Variants in AMBRA1 observed in about 807,000 individuals in gnomAD.
AMBRA1 encodes the protein activating molecule in BECN1-regulated autophagy protein 1.
A neutral mutation model predicts 125.4 loss-of-function variants in AMBRA1; 47 were observed. The ratio of observed to expected loss-of-function variants is 0.37; its 90% CI spans 0.30 to 0.48. The LOEUF is 0.48. Ranked by LOEUF, AMBRA1 falls within the 20% of genes least tolerant of loss-of-function variation. The pLI, the probability that AMBRA1 is intolerant of heterozygous loss-of-function variation, is 0.99. For missense variants in AMBRA1, 1,331 were observed against 1,693.4 expected, an observed-to-expected ratio of 0.79 and a Z score of 3.76; for synonymous variants, 626 against 655.5, an observed-to-expected ratio of 0.95 and a Z score of 0.69.
At chr11:46,524,257 C>G (rs902152749) in intron 7 of AMBRA1, among the ~76,000 whole-genome samples, 2 of 152,128 alleles carry the variant, frequency 1.3e-5, no homozygotes, top group Non-Finnish European at 2.9e-5. Context: ...TGGAATGCCC[C>G]CCAGAAATGT....
chr11:46,540,330 T>C (rs191848472), intron 7 of AMBRA1, among the ~76,000 whole-genome samples: 65 of 152,318 alleles, frequency 4.3e-4, no homozygotes, highest in African/African-American at 1.5e-3. Context: ...AGATCTTTAA[T>C]AAACTTTTAA....
At chr11:46,554,818 G>A (rs1476523929) in intron 1 of AMBRA1, among the ~76,000 whole-genome samples, 2 of 152,136 alleles carry the variant, frequency 1.3e-5, no homozygotes, top group African/African-American at 4.8e-5. Flanking sequence ...AAGTAAAGCA[G>A]ACTGAGACAA....
At chr11:46,399,353 C>T (rs1945608442) in intron 17 of AMBRA1, among the ~76,000 whole-genome samples, 1 of 152,200 alleles carries the variant, frequency 6.6e-6, no homozygotes, top group Non-Finnish European at 1.5e-5. Context: ...GGATTATAGG[C>T]ATGAGCCACC....
At chr11:46,398,183 G>C (rs1464989585) in intron 17 of AMBRA1, among the ~76,000 whole-genome samples, 1 of 152,258 alleles carries the variant, frequency 6.6e-6, no homozygotes, top group African/African-American at 2.4e-5. Context: ...GGCCAGTTAA[G>C]AGGCAGCACT....
At chr11:46,592,689 C>G (rs918438149) in intron 1 of AMBRA1, among the ~76,000 whole-genome samples, 1 of 151,534 alleles carries the variant, frequency 6.6e-6, no homozygotes, top group Non-Finnish European at 1.5e-5. Flanking sequence ...ACCCGGGAGG[C>G]AGAGGTTGCA....
chr11:46,410,259 C>T lies in AMBRA1; in HGVS notation c.3209+17G>A, dbSNP rs1234640150. ...GGGCCTCCAGCCAGCTGCTCCCTGC[C>T]TACTTCCCAAACATACCCAGGCCGC... On this transcript the variant is annotated intron_variant, in intron 16 of 17. Coordinates refer to ENST00000683756, the MANE Select transcript of AMBRA1 (RefSeq NM_001387011.1). The T allele has an allele frequency of 1.2e-6, 2 of 1,612,912 alleles. No homozygotes were observed. The highest frequency in any genetic ancestry group is 1.7e-6 in the Non-Finnish European group (2 of 1,179,718).
At chr11:46,532,581 C>T (rs150243808) in intron 7 of AMBRA1, among the ~76,000 whole-genome samples, 2,464 of 152,240 alleles carry the variant, frequency 0.016, 28 homozygotes, top group Non-Finnish European at 0.025. Context: ...GGACTACAGG[C>T]ACCCACCACC....
intron 4 of AMBRA1, chr11:46,546,891 T>C (rs1456832315): frequency 1.7e-5 from 6 of 353,460 alleles, no homozygotes; most frequent in South Asian, 8.8e-5. Flanking sequence ...GCCAACATAG[T>C]GAATCCCCGT....
intron 14 of AMBRA1, chr11:46,429,002 T>C (rs966129029): frequency 6.2e-7 from 1 of 1,612,092 alleles, no homozygotes; most frequent in Non-Finnish European, 8.5e-7. Context: ...CTTGAGAGAC[T>C]GCATGGCCTT....
rs768721087 is a variant in AMBRA1, at chr11:46,508,232, A to G, written c.2298T>C (p.Gly766=). 5 of 1,614,130 alleles carry G rather than the reference A, an allele frequency of 3.1e-6. No individual in the cohort carries two copies. The South Asian group carries it at 5.5e-5, about 18-fold the overall frequency. ...CCAAGTCGGTTCCCTCTACTGATGG[A>G]CCCTGGTTGTCTGAGGAAGAGGAGG... The part of the protein sequence containing the change: ...STSSSSSDNQ[G]PSVEGTDLEF... Residue 766 remains glycine (G), a synonymous_variant, in exon 9 of 18, where the codon GGT becomes GGC. Transcript: ENST00000683756.
At chr11:46,525,093 A>G (rs1951910998) in intron 7 of AMBRA1, among the ~76,000 whole-genome samples, 2 of 152,022 alleles carry the variant, frequency 1.3e-5, no homozygotes, top group South Asian at 4.1e-4. Flanking sequence ...TGAGCCCAGG[A>G]GTTCGAGACC....
At chr11:46,550,348 T>C (rs1217549026) in intron 1 of AMBRA1, among the ~76,000 whole-genome samples, 3 of 152,218 alleles carry the variant, frequency 2.0e-5, no homozygotes, top group African/African-American at 7.2e-5. Context: ...AGGTGGCACA[T>C]ATTTTCAGAC....
chr11:46,454,695 G>A (rs968606456), intron 11 of AMBRA1, among the ~76,000 whole-genome samples: 3 of 151,690 alleles, frequency 2.0e-5, no homozygotes, highest in Non-Finnish European at 2.9e-5. Context: ...AGCTTGCAGC[G>A]AGCCGAGATC....
At chr11:46,426,735 A>G (rs768936681) in intron 14 of AMBRA1, among the ~76,000 whole-genome samples, 12 of 152,326 alleles carry the variant, frequency 7.9e-5, no homozygotes, top group Middle Eastern at 6.8e-3. Context: ...CACATCTCAG[A>G]AGTCAACTTT....
chr11:46,433,440 G>T, intron 14 of AMBRA1, 34 bp downstream of exon 14: 1 of 1,608,534 alleles, frequency 6.2e-7, no homozygotes, highest in Non-Finnish European at 8.5e-7. Context: ...TAGGGGAGCT[G>T]CCATACAGTG....
chr11:46,409,631 G>A (rs1423973627), intron 16 of AMBRA1, among the ~76,000 whole-genome samples: 1 of 152,232 alleles, frequency 6.6e-6, no homozygotes, highest in East Asian at 1.9e-4. Flanking sequence ...CCTTCCTTGG[G>A]CATCTCCCAG....
chr11:46,427,316 TCAG>T (rs772856782), intron 14 of AMBRA1, among the ~76,000 whole-genome samples: 12 of 152,020 alleles, frequency 7.9e-5, no homozygotes, highest in Non-Finnish European at 1.0e-4. Context: ...ATGAACTTGA[TCAG>T]CAGCAGCAGC....
At chr11:46,421,184 A>C (rs1373145885) in intron 14 of AMBRA1, among the ~76,000 whole-genome samples, 1 of 152,196 alleles carries the variant, frequency 6.6e-6, no homozygotes, top group Non-Finnish European at 1.5e-5. Flanking sequence ...GATTGGAGAG[A>C]AGTAATGAAA....
intron 14 of AMBRA1, among the ~76,000 whole-genome samples, chr11:46,418,988 TA>T (rs762997202): frequency 2.9e-4 from 44 of 150,412 alleles, no homozygotes; most frequent in East Asian, 5.9e-4. Flanking sequence ...TTGGAGGTGA[TA>T]GGGGGGCGGG....
Sources: allele counts gnomAD v4.1 joint callset (sites outside exome capture counted in the v4.1 genomes callset), GRCh38; gene constraint gnomAD v4.1.1; transcripts MANE v1.5; gene names NCBI Gene and HGNC (gene_info 2026-07-23, HGNC 2026-07-21).